HEPH: variants seen among roughly 807,000 people sequenced by gnomAD.
The protein encoded by HEPH is hephaestin.
HEPH carries 69 observed loss-of-function variants against 80.8 expected under a neutral mutation model. That is an observed-to-expected ratio of 0.85 (90% CI 0.70 to 1.04). The LOEUF is 1.04. Among genes scored for constraint, HEPH ranks in the 50% least tolerant of loss-of-function variants. The pLI is 0.00. For synonymous variants in HEPH, 431 were observed against 322.8 expected (o/e 1.34, Z -3.60); for missense variants, 1,115 against 891.3 (o/e 1.25, Z -3.20).
intron 15 of HEPH, among the ~76,000 whole-genome samples, chrX:66,212,803 G>A (rs2089199029): frequency 9.1e-6 from 1 of 110,012 alleles, no homozygotes; most frequent in South Asian, 3.8e-4. Context: ...GACTGCTTTG[G>A]CTATTTGGGC....
intron 13 of HEPH, among the ~76,000 whole-genome samples, chrX:66,205,583 A>G (rs2088719801): frequency 9.3e-6 from 1 of 107,758 alleles, no homozygotes; most frequent in African/African-American, 3.4e-5. Context: ...TTTTGATAGA[A>G]TGATCTATTT....
At chrX:66,207,119 A>T in intron 13 of HEPH, 76 bp from the exon 14 acceptor site, 1 of 944,139 alleles carries the variant, frequency 1.1e-6, no homozygotes, top group Non-Finnish European at 1.4e-6. Flanking sequence ...GTTCTGACTT[A>T]GCTTCCCCAT....
chrX:66,268,632 TCA>T (rs1351202598), downstream of HEPH: 2 of 112,055 alleles, frequency 1.8e-5, no homozygotes, highest in African/African-American at 6.5e-5. Context: ...TAGCTTGGTC[TCA>T]GTTATAACTC....
At chrX:66,257,650 C>A (rs1271119245) in intron 17 of HEPH, among the ~76,000 whole-genome samples, 1 of 112,112 alleles carries the variant, frequency 8.9e-6, no homozygotes, top group Non-Finnish European at 1.9e-5. Context: ...TCATACCCCA[C>A]AGTGAAATAA....
chrX:66,179,570 A>G (rs2086993644), intron 4 of HEPH, among the ~76,000 whole-genome samples: 1 of 111,514 alleles, frequency 9.0e-6, no homozygotes, highest in African/African-American at 3.3e-5. Context: ...TGTATCTGTT[A>G]AGCCTATTTG....
At chrX:66,180,695 T>C (rs1172595467) in intron 4 of HEPH, among the ~76,000 whole-genome samples, 2 of 86,787 alleles carry the variant, frequency 2.3e-5, no homozygotes, top group Non-Finnish European at 4.2e-5. Context: ...TGTGTGAATT[T>C]TTTTTTTTTT....
At chrX:66,189,541 T>A in intron 5 of HEPH, 143 bp from the exon 6 acceptor site, 1 of 601,701 alleles carries the variant, frequency 1.7e-6, no homozygotes, top group Non-Finnish European at 2.6e-6. Flanking sequence ...TTTTTGAGAT[T>A]TAAAGAAGAT....
chrX:66,232,237 C>A (rs754130394), intron 15 of HEPH, among the ~76,000 whole-genome samples: 92 of 111,075 alleles, frequency 8.3e-4, no homozygotes, highest in African/African-American at 2.8e-3. Context: ...GTCTAAAATT[C>A]TCTTTTTTGG....
chrX:66,234,288 CT>C (rs967986478), intron 15 of HEPH, among the ~76,000 whole-genome samples: 1 of 110,145 alleles, frequency 9.1e-6, no homozygotes, highest in African/African-American at 3.3e-5. Flanking sequence ...TATAATGCTT[CT>C]TTTTTTAAAA....
intron 4 of HEPH, among the ~76,000 whole-genome samples, chrX:66,181,846 A>G (rs2087169823): frequency 1.0e-5 from 1 of 98,527 alleles, no homozygotes; most frequent in Admixed American, 1.1e-4. Flanking sequence ...TAAAGTTTAA[A>G]TCTTTAATCC....
At chrX:66,164,517 C>T (rs2086279585) in intron 1 of HEPH, 47 bp downstream of exon 1, 1 of 743,703 alleles carries the variant, frequency 1.3e-6, no homozygotes, top group Non-Finnish European at 1.6e-6. Flanking sequence ...ACCTGCCTTC[C>T]TGTGCAAAAA....
chrX:66,208,552 G>GTCA (rs2088922650), intron 15 of HEPH, among the ~76,000 whole-genome samples: 1 of 100,635 alleles, frequency 9.9e-6, no homozygotes, highest in Non-Finnish European at 2.0e-5. Flanking sequence ...CCAGGAGGTG[G>GTCA]AGGCTGCAGT....
chrX:66,200,273 T>TGTGTGTG (rs2088358937), intron 11 of HEPH, among the ~76,000 whole-genome samples: 2 of 107,452 alleles, frequency 1.9e-5, no homozygotes, highest in Non-Finnish European at 3.9e-5. Flanking sequence ...TGTGTGTGTG[T>TGTGTGTG]TTGGTAGTGG....
At position 66,240,421 on chromosome X, in the gene HEPH, G is replaced by C. The variant is rs2090524196; in HGVS notation, c.2564-14614G>C. 1.8e-5 allele frequency among the ~76,000 whole-genome samples: 2 copies of C among 109,662 alleles called. 1 individual carries two copies. The highest frequency in any genetic ancestry group is 6.6e-5 in the African/African-American group (2 of 30,281). ...TAAGGAAAAGAAATATGTGACAGAAGAAAGACTTCAAATAAAATGGCTGAT... is the reference window on the plus strand; with the variant it reads ...TAAGGAAAAGAAATATGTGACAGAACAAAGACTTCAAATAAAATGGCTGAT... On this transcript the variant is annotated intron_variant, in intron 15 of 20. Coordinates refer to ENST00000343002, the MANE Select transcript of HEPH (RefSeq NM_001367233.3).
chrX:66,198,881 G>A lies in HEPH; in HGVS notation c.1717G>A (p.Gly573Arg). 1.7e-6 allele frequency: 2 copies of A among 1,193,739 alleles called. No individual in the cohort carries two copies. The highest frequency in any genetic ancestry group is 2.3e-6 in the Non-Finnish European group (2 of 879,341). The part of the protein sequence containing the change: ...GALGADGKQK[G>R]VDKEFFLLFT... Reference sequence around the variant, plus strand: ...CTTTCTTCTATTGGGCCTGCAGAAAGGGGTGGATAAAGAATTCTTTCTTCT... The same window carrying A: ...CTTTCTTCTATTGGGCCTGCAGAAAAGGGTGGATAAAGAATTCTTTCTTCT... Residue 573 changes from glycine (G) to arginine (R), a missense_variant, in exon 11 of 21, where the codon GGG becomes AGG. Gly to Arg is a moderately radical substitution (Grantham distance 125). This residue lies in a region of HEPH where 716 missense variants were observed against 523.5 expected (regional missense o/e 1.37). Transcript: ENST00000343002.
chrX:66,263,631 TC>T lies in HEPH; in HGVS notation c.3200-7del, dbSNP rs758791042. On this transcript the variant is annotated splice_polypyrimidine_tract_variant and intron_variant, in intron 19 of 20. Coordinates refer to ENST00000343002, the MANE Select transcript of HEPH (RefSeq NM_001367233.3). ...AATAAGGCTAACCTCTTGTCTTTTT[TC>T]CCCCCAACCAGAACACTTAAGCCCT... 1.3e-5 allele frequency: 16 copies of T among 1,207,014 alleles called. No homozygotes were observed. In the East Asian group the frequency reaches 2.7e-4, roughly 20 times the overall value.
intron 15 of HEPH, among the ~76,000 whole-genome samples, chrX:66,230,509 C>T (rs1215892444): frequency 9.2e-6 from 1 of 108,155 alleles, no homozygotes; most frequent in African/African-American, 3.5e-5. Context: ...TTTTGATTTG[C>T]ATTTCTCTGA....
chrX:66,264,451 G>T (rs1333204653), intron 20 of HEPH, among the ~76,000 whole-genome samples: 1 of 108,784 alleles, frequency 9.2e-6, no homozygotes, highest in African/African-American at 3.3e-5. Context: ...GAATACCAAG[G>T]AGTTAAACCT....
At chrX:66,223,796 C>G (rs1269252557) in intron 15 of HEPH, among the ~76,000 whole-genome samples, 1 of 111,391 alleles carries the variant, frequency 9.0e-6, no homozygotes, top group Non-Finnish European at 1.9e-5. Flanking sequence ...ATCTTTTTAC[C>G]AAAGGCATAT....
Sources: gnomAD v4.1 joint callset for allele counts (sites outside exome capture counted in the v4.1 genomes callset) on GRCh38, gnomAD v4.1.1 for gene constraint, gnomAD v4.1.1 regional missense constraint, MANE v1.5 for transcripts, NCBI Gene and HGNC (gene_info 2026-07-23, HGNC 2026-07-21) for gene names.